HTR1F: variants seen among roughly 807,000 people sequenced by gnomAD.
The protein encoded by HTR1F is 5-hydroxytryptamine (serotonin) receptor 1F, G protein-coupled.
A neutral mutation model predicts 24.0 loss-of-function variants in HTR1F; 17 were observed. The ratio of observed to expected loss-of-function variants is 0.71; its 90% CI spans 0.48 to 1.06. HTR1F has a LOEUF of 1.06. HTR1F is among the 50% of genes least tolerant of loss of function. HTR1F has a pLI of 0.00. For missense variants in HTR1F, 391 were observed against 427.8 expected (o/e 0.91, Z 0.76); for synonymous variants, 186 against 156.8 (o/e 1.19, Z -1.39).
Position 87,866,912 on chromosome 3 carries a change from T to C in HTR1F, c.-43+44788T>C, listed in dbSNP as rs113914041. Among the ~76,000 whole-genome samples the C allele has an allele frequency of 4.4e-3, 671 of 151,796 alleles. 7 individuals are homozygous for C. The highest frequency in any genetic ancestry group is 0.015 in the African/African-American group (630 of 41,438). ...AGGTGTGTAGTACCACTTTTTTACATTTCTTTATGGTCTCCCCTGAGCAGT... is the reference window on the plus strand; with the variant it reads ...AGGTGTGTAGTACCACTTTTTTACACTTCTTTATGGTCTCCCCTGAGCAGT... On this transcript the variant is annotated intron_variant, in intron 2 of 2. Coordinates refer to ENST00000319595, the MANE Select transcript of HTR1F (RefSeq NM_001322209.2).
At chr3:87,983,389 G>C (rs1705594584) in intron 2 of HTR1F, among the ~76,000 whole-genome samples, 1 of 152,174 alleles carries the variant, frequency 6.6e-6, no homozygotes, top group South Asian at 2.1e-4. Flanking sequence ...GGTCTTCACT[G>C]ATACAGAAGA....
chr3:87,799,299 A>C (rs1449801112), intron 1 of HTR1F, among the ~76,000 whole-genome samples: 2 of 152,204 alleles, frequency 1.3e-5, no homozygotes, highest in African/African-American at 2.4e-5. Flanking sequence ...AAGTCGTTAT[A>C]CATACTGCCT....
intron 2 of HTR1F, among the ~76,000 whole-genome samples, chr3:87,863,963 T>C (rs549672257): frequency 4.6e-5 from 7 of 152,330 alleles, no homozygotes; most frequent in African/African-American, 1.7e-4. Context: ...TTGTCTTTTC[T>C]AATGTCTAGA....
intron 2 of HTR1F, among the ~76,000 whole-genome samples, chr3:87,976,186 G>A (rs1339226561): frequency 6.6e-6 from 1 of 152,088 alleles, no homozygotes; most frequent in African/African-American, 2.4e-5. Flanking sequence ...ATTTACAAAA[G>A]AAAGATAGAA....
intron 1 of HTR1F, among the ~76,000 whole-genome samples, chr3:87,795,867 A>C (rs1042924190): frequency 8.5e-5 from 13 of 152,356 alleles, no homozygotes; most frequent in Admixed American, 2.6e-4. Flanking sequence ...GGCAAAAATT[A>C]CATCAATGAG....
intron 2 of HTR1F, among the ~76,000 whole-genome samples, chr3:87,954,321 A>C (rs1469417778): frequency 6.6e-6 from 1 of 151,784 alleles, no homozygotes; most frequent in Admixed American, 6.6e-5. Flanking sequence ...ATATGTGTAA[A>C]TATTATGTAT....
At chr3:87,967,228 T>C (rs768132492) in intron 2 of HTR1F, among the ~76,000 whole-genome samples, 3 of 152,140 alleles carry the variant, frequency 2.0e-5, no homozygotes, top group Non-Finnish European at 4.4e-5. Flanking sequence ...GGTGGGCAGA[T>C]CACTTGAGGT....
rs574515327 is a variant in HTR1F, at chr3:87,924,671, T to C, written c.-42-66037T>C. Among the ~76,000 whole-genome samples, 14 of 152,294 alleles carry C rather than the reference T, an allele frequency of 9.2e-5. No homozygotes were observed. In the South Asian group the frequency reaches 2.1e-3, roughly 23 times the overall value. On this transcript the variant is annotated intron_variant, in intron 2 of 2. Transcript: ENST00000319595. ...ATTCTTGGCTGTCAGTATTTTTCTTTCAGCACTTTGAACATATTATCCATT... is the reference window on the plus strand; with the variant it reads ...ATTCTTGGCTGTCAGTATTTTTCTTCCAGCACTTTGAACATATTATCCATT...
chr3:87,974,523 C>T (rs1705352100), intron 2 of HTR1F, among the ~76,000 whole-genome samples: 1 of 149,300 alleles, frequency 6.7e-6, no homozygotes, highest in Admixed American at 6.8e-5. Context: ...TGTATCTCTA[C>T]TAGTATAAGA....
At chr3:87,855,551 A>T (rs1368698498) in intron 2 of HTR1F, among the ~76,000 whole-genome samples, 3 of 152,096 alleles carry the variant, frequency 2.0e-5, no homozygotes, top group Non-Finnish European at 4.4e-5. Context: ...TAGTGGGAGA[A>T]AAGTGGGATG....
chr3:87,898,178 C>A (rs1468447933), intron 2 of HTR1F, among the ~76,000 whole-genome samples: 2 of 152,062 alleles, frequency 1.3e-5, no homozygotes, highest in Non-Finnish European at 2.9e-5. Context: ...AAATAATAAC[C>A]CAGATTACAA....
chr3:87,847,710 C>G (rs1201792402), intron 2 of HTR1F, among the ~76,000 whole-genome samples: 1 of 151,784 alleles, frequency 6.6e-6, no homozygotes, highest in Non-Finnish European at 1.5e-5. Context: ...CCCACCCTTC[C>G]AAGTCTCTGG....
chr3:87,955,846 A>G (rs561823404), intron 2 of HTR1F, among the ~76,000 whole-genome samples: 15 of 151,532 alleles, frequency 9.9e-5, no homozygotes, highest in Admixed American at 9.9e-4. Flanking sequence ...TTTGTGAGGT[A>G]TCTGTTTAAA....
At chr3:87,969,570 C>T (rs58496925) in intron 2 of HTR1F, among the ~76,000 whole-genome samples, 14,055 of 152,230 alleles carry the variant, frequency 0.092, 682 homozygotes, top group African/African-American at 0.12. Context: ...TGCCTTTACC[C>T]CTACTGTATC....
intron 2 of HTR1F, among the ~76,000 whole-genome samples, chr3:87,900,950 A>G (rs2107324747): frequency 6.6e-6 from 1 of 152,300 alleles, no homozygotes; most frequent in East Asian, 1.9e-4. Context: ...GGAAGTCATG[A>G]GGATATATAC....
chr3:87,844,827 T>A (rs1178392816), intron 2 of HTR1F, among the ~76,000 whole-genome samples: 2 of 150,012 alleles, frequency 1.3e-5, no homozygotes, highest in East Asian at 3.9e-4. Context: ...TTGTCAAAGA[T>A]CAGATAGTTG....
At chr3:87,906,787 T>C (rs953181673) in intron 2 of HTR1F, among the ~76,000 whole-genome samples, 9 of 151,956 alleles carry the variant, frequency 5.9e-5, no homozygotes, top group Admixed American at 2.0e-4. Context: ...TGAGAACATA[T>C]GAAGTTTGGT....
At chr3:87,848,127 C>A (rs1704988273) in intron 2 of HTR1F, among the ~76,000 whole-genome samples, 1 of 151,912 alleles carries the variant, frequency 6.6e-6, no homozygotes, top group Admixed American at 6.6e-5. Flanking sequence ...AGTTTACATT[C>A]TCACTAACAG....
intron 1 of HTR1F, among the ~76,000 whole-genome samples, chr3:87,793,899 C>A (rs1280009717): frequency 6.6e-6 from 1 of 151,212 alleles, no homozygotes; most frequent in East Asian, 1.9e-4. Context: ...TGGCATTAAC[C>A]TCTCCCCCAT....
Sources: gnomAD v4.1 joint callset for allele counts (sites outside exome capture counted in the v4.1 genomes callset) on GRCh38, gnomAD v4.1.1 for gene constraint, MANE v1.5 for transcripts, NCBI Gene and HGNC (gene_info 2026-07-23, HGNC 2026-07-21) for gene names.